Variants in LAMA3 observed in about 807,000 individuals in gnomAD.
LAMA3 encodes the protein laminin subunit alpha 3.
LAMA3 carries 281 observed loss-of-function variants against 402.0 expected under a neutral mutation model. The observed-to-expected ratio is 0.70, with a 90% CI of 0.63 to 0.77. The LOEUF is 0.77. Ranked by LOEUF, LAMA3 falls within the 30% of genes least tolerant of loss-of-function variation. The probability of loss-of-function intolerance (pLI) is 0.00; values close to 1 mark genes in which losing one functional copy is unlikely to be tolerated. For synonymous variants in LAMA3, 1,431 were observed against 1,558.4 expected (o/e 0.92, Z 1.93); for missense variants, 3,840 against 4,215.5 (o/e 0.91, Z 2.47).
chr18:23,893,018 C>G (rs1302326644), intron 42 of LAMA3, among the ~76,000 whole-genome samples: 2 of 151,344 alleles, frequency 1.3e-5, no homozygotes, highest in Non-Finnish European at 2.9e-5. Context: ...CTTTGAGTGG[C>G]AGGATCAAGG....
Position 23,857,844 on chromosome 18 carries a change from A to T in LAMA3, c.4137A>T (p.Arg1379Ser), listed in dbSNP as rs778227062. ...TTTGCTTCCTTTACTTTGTGTACAGATGCAAGCCCAGAATCACAGGGCGGC... is the reference window on the plus strand; with the variant it reads ...TTTGCTTCCTTTACTTTGTGTACAGTTGCAAGCCCAGAATCACAGGGCGGC... ...PECDRDSGQC[R>S]CKPRITGRQC... is the part of the protein sequence containing the mutation. Residue 1379 changes from arginine (R) to serine (S), a missense_variant and splice_region_variant, in exon 33 of 75, where the codon AGA (arginine) becomes AGT (serine). Transcript: ENST00000313654. 10 of 1,614,236 alleles carry T rather than the reference A, an allele frequency of 6.2e-6. No individual in the cohort carries two copies. In the East Asian group the frequency reaches 6.7e-5, roughly 11 times the overall value.
chr18:23,765,778 A>G (rs996681544), intron 8 of LAMA3, among the ~76,000 whole-genome samples: 26 of 152,350 alleles, frequency 1.7e-4, no homozygotes, highest in Middle Eastern at 3.4e-3. Context: ...AAAAGGATCA[A>G]AATGAAAATT....
chr18:23,728,283 A>C (rs1400530179), intron 2 of LAMA3, among the ~76,000 whole-genome samples: 3 of 152,182 alleles, frequency 2.0e-5, no homozygotes, highest in Non-Finnish European at 4.4e-5. Flanking sequence ...GACAGCAGCA[A>C]CAGGCTGGGG....
intron 63 of LAMA3, 61 bp from the exon 64 acceptor site, chr18:23,928,564 A>T: frequency 1.3e-6 from 2 of 1,496,886 alleles, no homozygotes; most frequent in Non-Finnish European, 1.9e-6. Flanking sequence ...AGGGTAAGGT[A>T]CTGTATTTCA....
chr18:23,850,712 G>A (rs530482944), intron 32 of LAMA3, among the ~76,000 whole-genome samples: 1 of 152,110 alleles, frequency 6.6e-6, no homozygotes, highest in Non-Finnish European at 1.5e-5. Context: ...TATTTATAGC[G>A]ATGAAAAAGT....
intron 18 of LAMA3, among the ~76,000 whole-genome samples, chr18:23,819,441 T>A (rs932456546): frequency 6.6e-6 from 1 of 152,146 alleles, no homozygotes; most frequent in African/African-American, 2.4e-5. Flanking sequence ...TTAGCAAGAG[T>A]GCCTGGCACA....
At chr18:23,875,297 G>A (rs970899013) in intron 38 of LAMA3, among the ~76,000 whole-genome samples, 1 of 151,890 alleles carries the variant, frequency 6.6e-6, no homozygotes, top group African/African-American at 2.4e-5. Context: ...TCTGTTGGAG[G>A]GATTCTTAAC....
chr18:23,921,153 C>T, intron 61 of LAMA3, 99 bp downstream of exon 61: 1 of 1,338,708 alleles, frequency 7.5e-7, no homozygotes, highest in East Asian at 2.4e-5. Flanking sequence ...TTCCTATTAC[C>T]AGATAAACTT....
chr18:23,868,994 G>C (rs1409224129), intron 37 of LAMA3, among the ~76,000 whole-genome samples: 1 of 152,000 alleles, frequency 6.6e-6, no homozygotes, highest in African/African-American at 2.4e-5. Context: ...GGCAATAAAA[G>C]AAACAAAATA....
chr18:23,816,221 G>GT (rs2144344753), intron 17 of LAMA3, among the ~76,000 whole-genome samples, 167 bp from the exon 18 acceptor site: 1 of 152,322 alleles, frequency 6.6e-6, no homozygotes, highest in African/African-American at 2.4e-5. Context: ...CACCATTTTG[G>GT]TTTGGGAGTT....
rs753358942 is a variant in LAMA3, at chr18:23,928,610, A to G, written c.8296-15A>G. On this transcript the variant is annotated splice_polypyrimidine_tract_variant and intron_variant, in intron 63 of 74. Transcript: ENST00000313654. Reference sequence around the variant, plus strand: ...GATTACAATGCCAGTAATTTATTCCATGTTTGCATTTCAGCTTGTGCGATC... The same window carrying G: ...GATTACAATGCCAGTAATTTATTCCGTGTTTGCATTTCAGCTTGTGCGATC... 14 of 1,613,340 alleles carry G rather than the reference A, an allele frequency of 8.7e-6. No individual in the cohort carries two copies. Among genetic ancestry groups the G allele is most frequent in the Non-Finnish European group, 1.2e-5 (14 of 1,179,350 alleles).
intron 32 of LAMA3, 138 bp downstream of exon 32, chr18:23,847,806 C>G (rs1045905796): frequency 2.4e-6 from 2 of 838,978 alleles, no homozygotes; most frequent in Non-Finnish European, 3.8e-6. Context: ...GCTTCCCAGA[C>G]AGGATGGGTT....
intron 8 of LAMA3, among the ~76,000 whole-genome samples, chr18:23,767,914 G>T (rs1417186551): frequency 6.6e-6 from 1 of 152,168 alleles, no homozygotes; most frequent in Non-Finnish European, 1.5e-5. Flanking sequence ...TAAGATAGTT[G>T]TCTCTCCATG....
At position 23,907,793 on chromosome 18, in the gene LAMA3, G is replaced by A; in HGVS notation, c.6873G>A (p.Met2291Ile). 1 of 1,614,110 alleles carries A rather than the reference G, an allele frequency of 6.2e-7. No individual in the cohort carries two copies. Among genetic ancestry groups the A allele is most frequent in the Non-Finnish European group, 8.5e-7 (1 of 1,180,022 alleles). ...IDAMISSAKS[M>I]VRKANDITDE... is the part of the protein sequence containing the mutation. The stretch of plus-strand genomic sequence containing the variant: ...CTATGATCAGTAGTGCAAAGAGCAT[G>A]GTCAGAAAGGCCAACGACATCACAG... Residue 2291 changes from methionine to isoleucine, a missense_variant, in exon 54 of 75, where the codon ATG becomes ATA. By Grantham distance (10) the Met-to-Ile change is conservative. Coordinates refer to ENST00000313654, the MANE Select transcript of LAMA3 (RefSeq NM_198129.4).
chr18:23,921,268 A>C (rs537674330), intron 61 of LAMA3, among the ~76,000 whole-genome samples, 184 bp from the exon 62 acceptor site: 2 of 152,356 alleles, frequency 1.3e-5, no homozygotes, highest in South Asian at 2.1e-4. Context: ...TTCAAATACA[A>C]ACATTTCTAT....
At chr18:23,920,641 G>A (rs1054069178) in intron 60 of LAMA3, among the ~76,000 whole-genome samples, 3 of 152,048 alleles carry the variant, frequency 2.0e-5, no homozygotes, top group Non-Finnish European at 4.4e-5. Flanking sequence ...GTATCTTTTC[G>A]GTCTCCATCT....
chr18:23,787,035 A>G (rs1011368107), intron 12 of LAMA3, among the ~76,000 whole-genome samples: 12 of 152,194 alleles, frequency 7.9e-5, no homozygotes, highest in African/African-American at 2.9e-4. Context: ...TTATCTCAGC[A>G]CTTTGGGAGG....
intron 1 of LAMA3, among the ~76,000 whole-genome samples, chr18:23,708,694 C>T (rs538416099): frequency 6.6e-6 from 1 of 152,182 alleles, no homozygotes; most frequent in African/African-American, 2.4e-5. Flanking sequence ...CTAAAAATCT[C>T]CCAGTATTTC....
chr18:23,770,108 CAGAATT>C (rs2062162554), intron 8 of LAMA3, among the ~76,000 whole-genome samples: 1 of 152,078 alleles, frequency 6.6e-6, no homozygotes, highest in Non-Finnish European at 1.5e-5. Flanking sequence ...CAAAATTTGA[CAGAATT>C]AGAGGGAAAA....
Sources: allele counts gnomAD v4.1 joint callset (sites outside exome capture counted in the v4.1 genomes callset), GRCh38; gene constraint gnomAD v4.1.1; transcripts MANE v1.5; gene names NCBI Gene and HGNC (gene_info 2026-07-23, HGNC 2026-07-21).